Variants in GPR149 observed in about 807,000 individuals in gnomAD.
GPR149 encodes the protein G protein-coupled receptor 149.
In GPR149, 50 loss-of-function variants were observed where a neutral mutation model predicts 50.2. The observed-to-expected ratio is 1.00, with a 90% CI of 0.79 to 1.26. The LOEUF is 1.26. GPR149 is among the 50% of genes most tolerant of loss of function. The pLI is 0.00. For missense variants in GPR149, 983 were observed against 895.4 expected (o/e 1.10, Z -1.25); for synonymous variants, 405 against 358.2 (o/e 1.13, Z -1.48).
intron 3 of GPR149, among the ~76,000 whole-genome samples, chr3:154,382,825 T>A (rs1479620682): frequency 6.6e-6 from 1 of 152,222 alleles, no homozygotes; most frequent in Non-Finnish European, 1.5e-5. Context: ...TCAAAATAAA[T>A]GTTTCAACAA....
intron 3 of GPR149, among the ~76,000 whole-genome samples, chr3:154,373,367 A>T (rs917275583): frequency 6.6e-6 from 1 of 152,214 alleles, no homozygotes; most frequent in Non-Finnish European, 1.5e-5. Context: ...GAATCAATGC[A>T]AAGATGAACA....
At chr3:154,367,978 G>A (rs900691416) in intron 3 of GPR149, among the ~76,000 whole-genome samples, 1 of 152,202 alleles carries the variant, frequency 6.6e-6, no homozygotes, top group South Asian at 2.1e-4. Flanking sequence ...CTAAAGACAC[G>A]GGTGTCAGGC....
chr3:154,424,957 A>T (rs1482663572), intron 2 of GPR149, among the ~76,000 whole-genome samples: 3 of 151,978 alleles, frequency 2.0e-5, no homozygotes, highest in South Asian at 2.1e-4. Context: ...AAAAAACGTC[A>T]TGTCAGGCAA....
intron 3 of GPR149, among the ~76,000 whole-genome samples, chr3:154,370,684 G>A (rs950561049): frequency 2.0e-5 from 3 of 152,120 alleles, no homozygotes; most frequent in African/African-American, 7.2e-5. Flanking sequence ...AAGGTTGACT[G>A]TTGAGGTCCA....
intron 3 of GPR149, among the ~76,000 whole-genome samples, chr3:154,379,611 G>C (rs539053227): frequency 2.0e-5 from 3 of 151,984 alleles, no homozygotes; most frequent in Non-Finnish European, 4.4e-5. Flanking sequence ...GTTAATTTTT[G>C]TGTATAGTAT....
At chr3:154,364,904 G>A (rs1374108342) in intron 3 of GPR149, among the ~76,000 whole-genome samples, 1 of 152,192 alleles carries the variant, frequency 6.6e-6, no homozygotes, top group Non-Finnish European at 1.5e-5. Flanking sequence ...AGCTTCATGA[G>A]ACATTGACTA....
In GPR149 at chr3:154,335,695, A is replaced by C. The variant is rs1284353721; in HGVS notation, c.*2004T>G. 1 of 152,154 alleles carries C rather than the reference A, an allele frequency of 6.6e-6. No homozygotes were observed. The highest frequency in any genetic ancestry group is 1.5e-5 in the Non-Finnish European group (1 of 68,008). The allele number at this position is 152,154 out of a possible 1,614,324, so 9.4% of individuals were successfully genotyped here. On this transcript the variant is annotated 3_prime_UTR_variant, in exon 4 of 4. Coordinates refer to ENST00000389740, the MANE Select transcript of GPR149 (RefSeq NM_001038705.3). The stretch of plus-strand genomic sequence containing the variant: ...CGGAAAATGGGTATTATTGTCTTCT[A>C]TCTATTTCTTAATGCTCTTTAAACC...
chr3:154,358,865 A>T (rs1515653), intron 3 of GPR149, among the ~76,000 whole-genome samples: 1 of 152,076 alleles, frequency 6.6e-6, no homozygotes, highest in African/African-American at 2.4e-5. Context: ...GTATTTGTGC[A>T]TGGGTGTTTG....
intron 3 of GPR149, among the ~76,000 whole-genome samples, chr3:154,345,684 C>A (rs369968519): frequency 2.0e-5 from 3 of 152,246 alleles, no homozygotes; most frequent in South Asian, 4.1e-4. Context: ...GTTTTGATTT[C>A]TTCACTACGA....
At chr3:154,363,829 A>C (rs992937599) in intron 3 of GPR149, among the ~76,000 whole-genome samples, 8 of 149,568 alleles carry the variant, frequency 5.3e-5, no homozygotes, top group Admixed American at 4.6e-4. Context: ...GCCCATAAAA[A>C]CCCCAGATGA....
chr3:154,362,530 T>C (rs1714436548), intron 3 of GPR149, among the ~76,000 whole-genome samples: 1 of 152,124 alleles, frequency 6.6e-6, no homozygotes, highest in Non-Finnish European at 1.5e-5. Flanking sequence ...ACATTTATCA[T>C]GAAGCTAATG....
intron 3 of GPR149, among the ~76,000 whole-genome samples, chr3:154,346,819 G>C (rs919644709): frequency 3.3e-5 from 5 of 151,960 alleles, no homozygotes; most frequent in African/African-American, 1.2e-4. Context: ...CTGGTCTTGA[G>C]CTCCTGACCT....
chr3:154,385,470 G>T (rs902539497), intron 3 of GPR149, among the ~76,000 whole-genome samples: 6 of 152,122 alleles, frequency 3.9e-5, no homozygotes, highest in African/African-American at 1.4e-4. Flanking sequence ...TCTGGGGAGT[G>T]AGCAGGGCAA....
At position 154,429,158 on chromosome 3, in the gene GPR149, A is replaced by ACG. The variant is rs778232451; in HGVS notation, c.456_457dup (p.Val153AlafsTer4). ...ACTGGCTGCCCACACGGTCAGCACC[A>ACG]CGCCGAGCACCTGGCCCGATCTTCT... is the stretch of plus-strand genomic sequence containing the variant. On this transcript the variant is annotated frameshift_variant, in exon 1 of 4. Coordinates refer to ENST00000389740, the MANE Select transcript of GPR149 (RefSeq NM_001038705.3). LOFTEE classifies it high-confidence loss of function. The ACG allele has an allele frequency of 4.3e-6, 7 of 1,613,674 alleles. No individual in the cohort carries two copies. In the East Asian group the frequency reaches 1.3e-4, roughly 31 times the overall value.
chr3:154,405,655 A>G (rs1359459511), intron 3 of GPR149, among the ~76,000 whole-genome samples: 1 of 151,518 alleles, frequency 6.6e-6, no homozygotes, highest in Non-Finnish European at 1.5e-5. Context: ...TGTATAAGAT[A>G]AAGACGATAA....
rs1713649797 is a variant in GPR149, at chr3:154,336,051, G to T, written c.*1648C>A. Reference sequence around the variant, plus strand: ...CTGTGTTAAAATAGCTGTTAATATTGGTGATACAGTCTTTTAAAATAAAAT... The same window carrying T: ...CTGTGTTAAAATAGCTGTTAATATTTGTGATACAGTCTTTTAAAATAAAAT... On this transcript the variant is annotated 3_prime_UTR_variant, in exon 4 of 4. Coordinates refer to ENST00000389740, the MANE Select transcript of GPR149 (RefSeq NM_001038705.3). 6.6e-6 allele frequency: 1 copy of T among 151,874 alleles called. No homozygotes were observed. Among genetic ancestry groups the T allele is most frequent in the Non-Finnish European group, 1.5e-5 (1 of 67,900 alleles). The allele number at this position is 151,874 out of a possible 1,614,324, so 9.4% of individuals were successfully genotyped here. A position where few individuals can be genotyped will look rare whatever the true frequency, so the allele number is the denominator to read the frequency against.
At chr3:154,369,342 C>T (rs1169701247) in intron 3 of GPR149, among the ~76,000 whole-genome samples, 1 of 152,222 alleles carries the variant, frequency 6.6e-6, no homozygotes, top group East Asian at 1.9e-4. Context: ...CACCCTTCTA[C>T]AGCTAGATCT....
intron 3 of GPR149, among the ~76,000 whole-genome samples, chr3:154,397,598 G>A (rs183561320): frequency 6.6e-4 from 100 of 152,060 alleles, no homozygotes; most frequent in African/African-American, 2.3e-3. Flanking sequence ...TCCATCTATT[G>A]TATCTATATG....
chr3:154,390,907 G>C (rs992162487), intron 3 of GPR149, among the ~76,000 whole-genome samples: 4 of 151,998 alleles, frequency 2.6e-5, no homozygotes, highest in Non-Finnish European at 5.9e-5. Context: ...GAAGGTAGAT[G>C]AGAATAAATT....
Sources: gnomAD v4.1 joint callset for allele counts (sites outside exome capture counted in the v4.1 genomes callset) on GRCh38, gnomAD v4.1.1 for gene constraint, MANE v1.5 for transcripts, NCBI Gene and HGNC (gene_info 2026-07-23, HGNC 2026-07-21) for gene names.